The following PCSK6 variants were observed in gnomAD, a reference collection of about 807,000 sequenced individuals.
The protein encoded by PCSK6 is paired basic amino acid cleaving enzyme 4.
Under a neutral mutation model 123.3 loss-of-function variants are expected in PCSK6, and 85 were observed. The observed-to-expected ratio is 0.69, with a 90% CI of 0.58 to 0.83. The LOEUF (loss-of-function observed/expected upper bound fraction) is 0.83, where lower values mean the gene tolerates loss of function less well. Ranked by LOEUF, PCSK6 falls within the 40% of genes least tolerant of loss-of-function variation. PCSK6 has a pLI of 0.00. For missense variants in PCSK6, 1,191 were observed against 1,282.3 expected (o/e 0.93, Z 1.09); for synonymous variants, 508 against 516.0 (o/e 0.98, Z 0.21).
chr15:101,327,879 C>T (rs568562426), intron 15 of PCSK6, among the ~76,000 whole-genome samples: 6 of 152,260 alleles, frequency 3.9e-5, no homozygotes, highest in Non-Finnish European at 7.4e-5. Flanking sequence ...CTGTGTGTAT[C>T]CACGAGGACA....
At chr15:101,484,053 TTATATATTATACGTGTGTATA>T (rs987951079) in intron 1 of PCSK6, among the ~76,000 whole-genome samples, 3 of 152,212 alleles carry the variant, frequency 2.0e-5, no homozygotes, top group Non-Finnish European at 4.4e-5. Flanking sequence ...ATACGTGTGT[TTATATATTATACGTGTGTATA>T]TATACACACT....
chr15:101,343,134 T>C (rs778034140), intron 13 of PCSK6, among the ~76,000 whole-genome samples: 3 of 152,220 alleles, frequency 2.0e-5, no homozygotes, highest in Non-Finnish European at 4.4e-5. Flanking sequence ...TGTTAAGTTG[T>C]ATTTTTTCTT....
chr15:101,441,618 T>C (rs191032598), intron 2 of PCSK6, among the ~76,000 whole-genome samples: 8 of 152,352 alleles, frequency 5.3e-5, no homozygotes, highest in African/African-American at 7.2e-5. Flanking sequence ...TTAAGTCTCC[T>C]ATTTCGACTC....
In PCSK6 at chr15:101,322,597, A is replaced by G. The variant is rs774145990; in HGVS notation, c.2388T>C (p.Asn796=). 6.2e-7 allele frequency: 1 copy of G among 1,610,128 alleles called. No homozygotes were observed. ...AGFYADESQK[N]CLKCHPSCKK... ...TACAGCTTGGGTGGCATTTAAGGCA[A>G]TTTTTCTGACCTGGAGAAAAATAGC... Residue 796 remains asparagine, a synonymous_variant, in exon 18 of 22, where the codon AAT becomes AAC. Transcript: ENST00000611716.
At chr15:101,461,869 A>G (rs1463094404) in intron 1 of PCSK6, among the ~76,000 whole-genome samples, 1 of 152,214 alleles carries the variant, frequency 6.6e-6, no homozygotes, top group African/African-American at 2.4e-5. Context: ...ATCAATCTTA[A>G]TGTGGAAACC....
At chr15:101,350,816 C>A (rs1043032728) in intron 13 of PCSK6, among the ~76,000 whole-genome samples, 3 of 152,180 alleles carry the variant, frequency 2.0e-5, no homozygotes, top group African/African-American at 7.2e-5. Flanking sequence ...GAAAGACAAC[C>A]CTCTACCCGT....
chr15:101,312,977 C>A lies in PCSK6; in HGVS notation c.2699+399G>T. On this transcript the variant is annotated intron_variant, in intron 20 of 21. Coordinates refer to ENST00000611716, the MANE Select transcript of PCSK6 (RefSeq NM_002570.5). ...CTGAGGTCACACCAGTGCACTCCAGCCTGGGCGACAGAGTGAGAGTGTGTC... is the reference window on the plus strand; with the variant it reads ...CTGAGGTCACACCAGTGCACTCCAGACTGGGCGACAGAGTGAGAGTGTGTC... 3.6e-6 allele frequency: 4 copies of A among 1,122,732 alleles called. No homozygotes were observed. The South Asian group carries it at 7.7e-5, about 22-fold the overall frequency. 69.5% of individuals were successfully genotyped at this position (1,122,732 alleles called of 1,614,324 possible). A position where few individuals can be genotyped will look rare whatever the true frequency, so the allele number is the denominator to read the frequency against.
At chr15:101,346,928 G>A (rs1286596097) in intron 13 of PCSK6, 5 of 1,231,428 alleles carry the variant, frequency 4.1e-6, no homozygotes, top group Non-Finnish European at 4.0e-6. Context: ...TTTCTCAAAC[G>A]AGGAGAGTTT....
intron 1 of PCSK6, among the ~76,000 whole-genome samples, chr15:101,450,997 C>T (rs952292900): frequency 2.0e-5 from 3 of 151,356 alleles, no homozygotes; most frequent in African/African-American, 7.3e-5. Context: ...CAAGCAGAAG[C>T]GGCTTGCAGG....
intron 12 of PCSK6, 129 bp from the exon 13 acceptor site, chr15:101,366,461 G>T: frequency 2.2e-6 from 2 of 914,878 alleles, no homozygotes; most frequent in East Asian, 2.8e-5. Context: ...GGTAGCGGGG[G>T]TCTGGCCCCA....
intron 15 of PCSK6, among the ~76,000 whole-genome samples, chr15:101,330,803 G>C (rs1403696223): frequency 1.3e-5 from 2 of 152,178 alleles, no homozygotes; most frequent in Middle Eastern, 3.2e-3. Flanking sequence ...ATAAATCACA[G>C]GGGGAAACAG....
intron 20 of PCSK6, among the ~76,000 whole-genome samples, chr15:101,309,741 C>A (rs1204918457): frequency 6.6e-6 from 1 of 152,238 alleles, no homozygotes; most frequent in Non-Finnish European, 1.5e-5. Context: ...AGTTTGCCTC[C>A]CCCGCTGGCA....
intron 9 of PCSK6, among the ~76,000 whole-genome samples, chr15:101,386,160 G>A (rs1005197431): frequency 2.6e-5 from 4 of 152,072 alleles, no homozygotes; most frequent in African/African-American, 4.8e-5. Context: ...CGCACGCCGC[G>A]CCACAGGTGC....
intron 13 of PCSK6, among the ~76,000 whole-genome samples, chr15:101,350,373 C>T (rs1047573439): frequency 3.9e-5 from 6 of 152,162 alleles, no homozygotes; most frequent in Non-Finnish European, 7.4e-5. Context: ...GGCTATAACA[C>T]AGTATAGCAC....
intron 18 of PCSK6, among the ~76,000 whole-genome samples, chr15:101,320,261 T>C (rs1179823724): frequency 1.3e-5 from 2 of 152,106 alleles, no homozygotes; most frequent in Non-Finnish European, 2.9e-5. Context: ...ATTTTTTTTA[T>C]TTTTAGTAGA....
At chr15:101,402,177 C>T (rs568708927) in intron 6 of PCSK6, among the ~76,000 whole-genome samples, 1 of 145,778 alleles carries the variant, frequency 6.9e-6, no homozygotes, top group Admixed American at 6.8e-5. Flanking sequence ...GGAAAGGATT[C>T]CCTATTTAAT....
chr15:101,398,339 CTTG>C lies in PCSK6; in HGVS notation c.996+62_996+64del, dbSNP rs1184432246. ...GGCTGTGGCCAGTGTCACTCTGATA[CTTG>C]TTAAAATGTTTACTGTCACCCTTGT... On this transcript the variant is annotated intron_variant, in intron 7 of 21. Coordinates refer to ENST00000611716, the MANE Select transcript of PCSK6 (RefSeq NM_002570.5). The surrounding 1 kb of genome is among the most constrained non-coding windows in gnomAD (Gnocchi z 4.6). The C allele has an allele frequency of 7.9e-6, 12 of 1,528,508 alleles. No individual in the cohort carries two copies. Among genetic ancestry groups the C allele is most frequent in the African/African-American group, 1.4e-5 (1 of 73,078 alleles). 94.7% of individuals were successfully genotyped at this position (1,528,508 alleles called of 1,614,324 possible).
chr15:101,476,108 C>T (rs74915021), intron 1 of PCSK6, among the ~76,000 whole-genome samples: 16,432 of 152,204 alleles, frequency 0.11, 1,040 homozygotes, highest in African/African-American at 0.18. Flanking sequence ...TACTTAACCT[C>T]TCTGTGCTTT....
intron 1 of PCSK6, among the ~76,000 whole-genome samples, chr15:101,444,321 C>T (rs2056832459): frequency 6.6e-6 from 1 of 152,160 alleles, no homozygotes; most frequent in South Asian, 2.1e-4. Context: ...GGCTGGCCCT[C>T]GCTGTAGCAC....
Sources: allele counts gnomAD v4.1 joint callset (sites outside exome capture counted in the v4.1 genomes callset), GRCh38; gene constraint gnomAD v4.1.1; non-coding constraint Gnocchi (gnomAD v3.1); transcripts MANE v1.5; gene names NCBI Gene and HGNC (gene_info 2026-07-23, HGNC 2026-07-21).